The following ACIN1 variants were observed in gnomAD, a reference collection of about 807,000 sequenced individuals.
ACIN1 encodes the protein apoptotic chromatin condensation inducer 1, also known as apoptotic chromatin condensation inducer in the nucleus.
ACIN1 carries 16 observed loss-of-function variants against 146.6 expected under a neutral mutation model. The ratio of observed to expected loss-of-function variants is 0.11; its 90% CI spans 0.07 to 0.17. The LOEUF is 0.17. Among genes scored for constraint, ACIN1 ranks in the 10% least tolerant of loss-of-function variants. The probability of loss-of-function intolerance (pLI) is 1.00; values close to 1 mark genes in which losing one functional copy is unlikely to be tolerated. For missense variants in ACIN1, 1,357 were observed against 1,609.3 expected (o/e 0.84, Z 2.68); for synonymous variants, 569 against 582.7 (o/e 0.98, Z 0.34).
intron 1 of ACIN1, chr14:23,094,509 GCAGA>G: frequency 1.0e-6 from 1 of 985,100 alleles, no homozygotes; most frequent in Non-Finnish European, 1.2e-6. Context: ...ATCTAATCGA[GCAGA>G]CATTTTACCC....
At chr14:23,095,492 A>T, upstream of ACIN1, 1 of 673,052 alleles carries the variant, frequency 1.5e-6, no homozygotes, top group South Asian at 2.2e-5. Context: ...GGCGGGTCCG[A>T]GGCCGGAAGT....
intron 1 of ACIN1, chr14:23,094,739 G>A: frequency 1.4e-6 from 1 of 714,338 alleles, no homozygotes; most frequent in Non-Finnish European, 2.2e-6. Context: ...AGACACTCCT[G>A]GAGAGTAGTG....
intron 8 of ACIN1, among the ~76,000 whole-genome samples, chr14:23,077,016 G>A (rs1257095478): frequency 1.3e-5 from 2 of 152,178 alleles, no homozygotes; most frequent in Admixed American, 1.3e-4. Context: ...AACAAAAAAT[G>A]TTAACAGCCA....
intron 8 of ACIN1, chr14:23,070,998 G>A (rs149626044): frequency 1.8e-6 from 2 of 1,088,642 alleles, no homozygotes; most frequent in African/African-American, 3.2e-5. Flanking sequence ...CAGGACAAAG[G>A]GGGAAGGCAG....
At chr14:23,069,652 G>GGGGGGGGGGGGGGGGC in intron 8 of ACIN1, 35 bp from the exon 9 acceptor site, 12 of 577,906 alleles carry the variant, frequency 2.1e-5, no homozygotes, top group East Asian at 4.3e-5. Context: ...GGGGGGGCGG[G>GGGGGGGGGGGGGGGGC]CAGAAAAGAA....
chr14:23,064,758 G>A (rs182283796), intron 10 of ACIN1: 21 of 368,768 alleles, frequency 5.7e-5, no homozygotes, highest in East Asian at 2.3e-4. Flanking sequence ...TTAGCCAGGC[G>A]TTGTGGTGCA....
Position 23,081,736 on chromosome 14 carries a change from T to C in ACIN1, c.525+12A>G, listed in dbSNP as rs2047949018. The C allele has an allele frequency of 6.2e-7, 1 of 1,601,632 alleles. No homozygotes were observed. Among genetic ancestry groups the C allele is most frequent in the South Asian group, 1.1e-5 (1 of 89,768 alleles). ...ACTGAAGAGGTAATGCTTTAGGAGG[T>C]ATCTGAGTTACCTGTCTGACCCTAG... On this transcript the variant is annotated intron_variant, in intron 5 of 18. Transcript: ENST00000605057.
intron 4 of ACIN1, among the ~76,000 whole-genome samples, chr14:23,082,146 T>C (rs1300957171): frequency 6.6e-6 from 1 of 152,254 alleles, no homozygotes; most frequent in Non-Finnish European, 1.5e-5. Context: ...CTAGCAGGGA[T>C]GTACAAATAT....
Position 23,061,128 on chromosome 14 carries a change from T to C in ACIN1, c.3481A>G (p.Lys1161Glu), listed in dbSNP as rs370609412. 6.2e-7 allele frequency: 1 copy of C among 1,614,144 alleles called. No individual in the cohort carries two copies. The highest frequency in any genetic ancestry group is 1.3e-5 in the African/African-American group (1 of 75,036). The change falls in exon 18 of 19, where the codon AAG (lysine) becomes GAG (glutamate). Residue 1161 changes from lysine to glutamate, a missense_variant. By Grantham distance (56) the Lys-to-Glu change is moderately conservative. Transcript: ENST00000605057. ...AGCCAATAGATGCAGGGAGCTGCCT[T>C]GGTCTTTCGGAAAAGGTCATCCAGC... ...KLLDDLFRKTKAAPCIYWLPL... is the reference protein window; with the variant it reads ...KLLDDLFRKTEAAPCIYWLPL...
intron 8 of ACIN1, chr14:23,071,698 G>A: frequency 1.2e-6 from 1 of 802,342 alleles, no homozygotes; most frequent in African/African-American, 1.8e-5. Context: ...GCTGGCTCCA[G>A]AGGCCTGGCC....
intron 5 of ACIN1, 90 bp from the exon 6 acceptor site, chr14:23,080,899 G>A (rs2140165410): frequency 6.6e-7 from 1 of 1,507,256 alleles, no homozygotes; most frequent in Non-Finnish European, 8.8e-7. Flanking sequence ...CCCTAGGAAG[G>A]AGAAATTCAA....
intron 8 of ACIN1, chr14:23,071,669 A>AG: frequency 8.9e-7 from 1 of 1,121,910 alleles, no homozygotes; most frequent in Non-Finnish European, 1.2e-6. Flanking sequence ...ATCCTTTGGC[A>AG]GGCCACAGGG....
In ACIN1 at chr14:23,079,574, A is replaced by AGAACAT. The variant is rs5807202; in HGVS notation, c.1760_1761insATGTTC (p.Ser587_Arg588insCysSer). Reference sequence around the variant, plus strand: ...TTCTGCTGTTGCTTGATGCTGAACGAGAACGTGAACGTGACCTTGATCTGG... The same window carrying AGAACAT: ...TTCTGCTGTTGCTTGATGCTGAACGAGAACATGAACGTGAACGTGACCTTGATCTGG... On this transcript the variant is annotated inframe_insertion, in exon 6 of 19. Transcript: ENST00000605057. The AGAACAT allele has an allele frequency of 4.2e-5, 65 of 1,555,996 alleles. 1 individual carries two copies. In the African/African-American group the frequency reaches 6.3e-4, roughly 15 times the overall value.
At chr14:23,069,188 A>C in intron 9 of ACIN1, 1 of 1,113,752 alleles carries the variant, frequency 9.0e-7, no homozygotes, top group African/African-American at 1.6e-5. Flanking sequence ...GCTGAACATA[A>C]ATCTTAGATA....
chr14:23,071,231 A>G, intron 8 of ACIN1: 1 of 1,517,680 alleles, frequency 6.6e-7, no homozygotes, highest in Middle Eastern at 1.7e-4. Context: ...AAAATCCTAA[A>G]AAAAATAAAG....
intron 6 of ACIN1, 123 bp downstream of exon 6, chr14:23,079,424 A>G: frequency 6.9e-7 from 1 of 1,458,460 alleles, no homozygotes. Context: ...GTAATCAGTG[A>G]AGGAGAGTAA....
At chr14:23,071,082 G>A (rs2047630888) in intron 8 of ACIN1, 2 of 1,532,552 alleles carry the variant, frequency 1.3e-6, no homozygotes, top group Non-Finnish European at 1.8e-6. Flanking sequence ...AAGGGAGCTA[G>A]GGCGGCGGGG....
chr14:23,089,558 A>G (rs575859366), intron 4 of ACIN1, among the ~76,000 whole-genome samples: 136 of 152,192 alleles, frequency 8.9e-4, no homozygotes, highest in Non-Finnish European at 1.6e-3. Context: ...TTTCTTTACT[A>G]TATTCCTCGT....
intron 2 of ACIN1, among the ~76,000 whole-genome samples, chr14:23,092,940 A>G (rs572658234): frequency 8.5e-5 from 13 of 152,324 alleles, no homozygotes; most frequent in Middle Eastern, 3.4e-3. Flanking sequence ...GAAATGGAGA[A>G]GACCAAGGCC....
Sources: allele counts gnomAD v4.1 joint callset (sites outside exome capture counted in the v4.1 genomes callset), GRCh38; gene constraint gnomAD v4.1.1; transcripts MANE v1.5; gene names NCBI Gene and HGNC (gene_info 2026-07-23, HGNC 2026-07-21).